Variants in CLIC5 observed in about 807,000 individuals in gnomAD.
CLIC5 encodes CLIC family member 5.
CLIC5 carries 20 observed loss-of-function variants against 24.7 expected under a neutral mutation model. That is an observed-to-expected ratio of 0.81 (90% CI 0.57 to 1.18). CLIC5 has a LOEUF of 1.18. Among genes scored for constraint, CLIC5 ranks in the 50% most tolerant of loss-of-function variants. The pLI is 0.00. For missense variants in CLIC5, 341 were observed against 326.1 expected (o/e 1.05, Z -0.35); for synonymous variants, 159 against 135.6 (o/e 1.17, Z -1.20).
Position 46,035,982 on chromosome 6 carries a change from T to G in CLIC5, c.540+43721A>C, listed in dbSNP as rs577249229. Among the ~76,000 whole-genome samples, 8 of 152,240 alleles carry G rather than the reference T, an allele frequency of 5.3e-5. No individual in the cohort carries two copies. The East Asian group carries it at 1.6e-3, about 30-fold the overall frequency. ...GGATGGTCTCAATCTCTTCACCTTG[T>G]GATCTGCCTGCCTCGGCCTCCCAAA... On this transcript the variant is annotated intron_variant, in intron 1 of 5. Transcript: ENST00000185206.
chr6:45,907,473 T>G (rs567724782), intron 5 of CLIC5, among the ~76,000 whole-genome samples: 1 of 152,292 alleles, frequency 6.6e-6, no homozygotes, highest in African/African-American at 2.4e-5. Context: ...TCAGGGATAT[T>G]GGCTTGAAGT....
At chr6:45,882,628 C>T (rs773627004) in intron 6 of CLIC5, among the ~76,000 whole-genome samples, 12 of 152,252 alleles carry the variant, frequency 7.9e-5, no homozygotes, top group Middle Eastern at 3.4e-3. Context: ...TAGTAAGATA[C>T]GCATGTGTTT....
chr6:46,092,834 T>A, the CLIC5 span, among the ~76,000 whole-genome samples: 15 of 152,200 alleles, frequency 9.9e-5, no homozygotes, highest in Non-Finnish European at 1.8e-4. Context: ...ATTACTTCCA[T>A]GTCCTGAAGT....
intron 1 of CLIC5, among the ~76,000 whole-genome samples, chr6:46,066,442 T>C (rs1338464): frequency 0.39 from 58,550 of 152,004 alleles, 11,568 homozygotes; most frequent in East Asian, 0.64. Context: ...CAAATATCAA[T>C]AGCTGCAGGT....
intron 5 of CLIC5, chr6:45,911,491 A>T: frequency 1.3e-5 from 7 of 557,716 alleles, no homozygotes; most frequent in Non-Finnish European, 1.6e-5. Flanking sequence ...GAGCAAATTC[A>T]TGCAGGAGTG....
intron 6 of CLIC5, among the ~76,000 whole-genome samples, chr6:45,882,007 A>G (rs1762267288): frequency 6.6e-6 from 1 of 151,194 alleles, no homozygotes; most frequent in Non-Finnish European, 1.5e-5. Context: ...ATGTGAATCA[A>G]CTCTAGAGCA....
chr6:46,085,859 G>A, the CLIC5 span, among the ~76,000 whole-genome samples: 3 of 152,222 alleles, frequency 2.0e-5, no homozygotes, highest in African/African-American at 7.2e-5. Flanking sequence ...GGAGCCTACA[G>A]AGGCAGGCAG....
At chr6:46,083,412 A>T (rs1762964558), upstream of CLIC5, among the ~76,000 whole-genome samples, 1 of 152,154 alleles carries the variant, frequency 6.6e-6, no homozygotes, top group Admixed American at 6.5e-5. Flanking sequence ...GTGGGCATTT[A>T]GTGGTATAAA....
intron 6 of CLIC5, among the ~76,000 whole-genome samples, chr6:45,885,323 T>C (rs1390314456): frequency 6.6e-6 from 1 of 152,158 alleles, no homozygotes; most frequent in African/African-American, 2.4e-5. Context: ...AACCCAGCCA[T>C]ACTGGCACCC....
chr6:46,085,309 G>C (rs1245673561), upstream of CLIC5, among the ~76,000 whole-genome samples: 1 of 152,196 alleles, frequency 6.6e-6, no homozygotes, highest in Non-Finnish European at 1.5e-5. Context: ...TTTTTCCATT[G>C]CTGCTGAGGA....
At chr6:45,912,203 CT>C (rs1007673155) in intron 5 of CLIC5, 1 of 987,474 alleles carries the variant, frequency 1.0e-6, no homozygotes, top group East Asian at 1.1e-4. Flanking sequence ...TCTTTGTGAA[CT>C]TTAGAGGTTT....
At chr6:46,026,116 A>G (rs7773334) in intron 1 of CLIC5, among the ~76,000 whole-genome samples, 12,070 of 152,240 alleles carry the variant, frequency 0.079, 571 homozygotes, top group Middle Eastern at 0.12. Context: ...TGAGCAACAT[A>G]AGAAATTATT....
In CLIC5 at chr6:45,937,792, G is replaced by A. The variant is rs146211874; in HGVS notation, c.406+3755C>T. On this transcript the variant is annotated intron_variant, in intron 4 of 5. Transcript: ENST00000339561. ...TACTGCTGGGATGGCTCCCACGGAT[G>A]GGGTCTCGGTTGTGGTAGCTGGGGA... Among the ~76,000 whole-genome samples, 7 of 152,332 alleles carry A rather than the reference G, an allele frequency of 4.6e-5. No individual in the cohort carries two copies. The East Asian group carries it at 1.3e-3, about 29-fold the overall frequency.
intron 1 of CLIC5, among the ~76,000 whole-genome samples, chr6:45,970,253 GAT>G (rs1765154557): frequency 6.6e-6 from 1 of 152,162 alleles, no homozygotes. Context: ...GTTAGTCCTG[GAT>G]GATTATATCT....
chr6:45,967,134 TG>T (rs1316018214), intron 1 of CLIC5, among the ~76,000 whole-genome samples: 2 of 152,248 alleles, frequency 1.3e-5, no homozygotes, highest in Non-Finnish European at 2.9e-5. Context: ...GGTCCTGTTT[TG>T]GGCTTTCTTG....
intron 1 of CLIC5, among the ~76,000 whole-genome samples, chr6:45,984,063 C>A (rs1057396779): frequency 1.3e-5 from 2 of 152,050 alleles, no homozygotes; most frequent in Non-Finnish European, 2.9e-5. Flanking sequence ...AGAACCTAGG[C>A]CCTTCAAGAA....
At chr6:45,955,290 C>G in intron 1 of CLIC5, 46 bp from the exon 2 acceptor site, 1 of 1,381,738 alleles carries the variant, frequency 7.2e-7, no homozygotes, top group Non-Finnish European at 1.0e-6. Flanking sequence ...GTGCAATTAG[C>G]AAGGGGAACA....
the CLIC5 span, among the ~76,000 whole-genome samples, chr6:46,087,896 A>C: frequency 6.6e-6 from 1 of 152,158 alleles, no homozygotes; most frequent in East Asian, 1.9e-4. Context: ...ACTAATGAAG[A>C]ATAAACGAGC....
chr6:46,005,861 C>T (rs1010025563), intron 1 of CLIC5, among the ~76,000 whole-genome samples: 1 of 151,490 alleles, frequency 6.6e-6, no homozygotes. Context: ...TCTATTGGTG[C>T]ACTGATAGAC....
Sources: allele counts gnomAD v4.1 joint callset (sites outside exome capture counted in the v4.1 genomes callset), GRCh38; gene constraint gnomAD v4.1.1; transcripts MANE v1.5; gene names NCBI Gene and HGNC (gene_info 2026-07-23, HGNC 2026-07-21).